OPCML: variants seen among roughly 807,000 people sequenced by gnomAD.
OPCML encodes the protein opioid binding protein/cell adhesion molecule like.
OPCML carries 13 observed loss-of-function variants against 37.8 expected under a neutral mutation model. That is an observed-to-expected ratio of 0.34 (90% confidence interval 0.22 to 0.55). OPCML has a LOEUF of 0.55. OPCML is among the 20% of genes least tolerant of loss of function. OPCML has a pLI of 0.91. For synonymous variants in OPCML, 176 were observed against 168.8 expected (o/e 1.04, Z -0.33); for missense variants, 341 against 435.6 (o/e 0.78, Z 1.93).
chr11:132,432,487 A>G lies in OPCML; in HGVS notation c.916+3599T>C, dbSNP rs115550437. On this transcript the variant is annotated intron_variant, in intron 7 of 7. Coordinates refer to ENST00000524381, the MANE Select transcript of OPCML (RefSeq NM_001012393.5). ...AAATGCCTTCACTGATTAAAAATAT[A>G]AAAGACCCACTGAGATTGACCTTCC... Among the ~76,000 whole-genome samples the G allele has an allele frequency of 4.4e-3, 669 of 152,342 alleles. 3 individuals carry two copies. The highest frequency in any genetic ancestry group is 0.015 in the African/African-American group (627 of 41,576).
chr11:133,306,242 A>G (rs997786447), intron 1 of OPCML, among the ~76,000 whole-genome samples: 2 of 152,192 alleles, frequency 1.3e-5, no homozygotes, highest in East Asian at 3.9e-4. Context: ...TCAACAAAAC[A>G]GGTGTCTGTG....
At chr11:132,730,856 A>C (rs1054649130) in intron 2 of OPCML, among the ~76,000 whole-genome samples, 1 of 152,194 alleles carries the variant, frequency 6.6e-6, no homozygotes, top group Non-Finnish European at 1.5e-5. Flanking sequence ...TATTTGTAGA[A>C]GGAAAATCAG....
chr11:132,901,259 T>C (rs1012692692), intron 2 of OPCML, among the ~76,000 whole-genome samples: 6 of 152,126 alleles, frequency 3.9e-5, no homozygotes, highest in South Asian at 4.1e-4. Context: ...ATAGGCTCAG[T>C]GTGCAGTATA....
At chr11:133,470,786 T>C (rs1400915604) in intron 1 of OPCML, among the ~76,000 whole-genome samples, 1 of 152,242 alleles carries the variant, frequency 6.6e-6, no homozygotes, top group Non-Finnish European at 1.5e-5. Flanking sequence ...GGGATGGGAA[T>C]GCTGTCCTTT....
chr11:132,458,680 A>T (rs2096090839), intron 4 of OPCML, among the ~76,000 whole-genome samples: 1 of 152,216 alleles, frequency 6.6e-6, no homozygotes, highest in South Asian at 2.1e-4. Flanking sequence ...AACCCATTAC[A>T]TTTTAACGTA....
intron 3 of OPCML, among the ~76,000 whole-genome samples, chr11:132,568,046 G>GCA (rs1276760951): frequency 6.8e-6 from 1 of 146,292 alleles, no homozygotes; most frequent in African/African-American, 2.5e-5. Flanking sequence ...GTGTGTGCGC[G>GCA]CGCGCGCGTG....
In OPCML at chr11:133,267,950, C is replaced by T. The variant is rs560004550; in HGVS notation, c.61+264314G>A. Among the ~76,000 whole-genome samples, 33 of 152,280 alleles carry T rather than the reference C, an allele frequency of 2.2e-4. 1 individual carries two copies. In the South Asian group the frequency reaches 2.7e-3, roughly 12 times the overall value. Reference sequence around the variant, plus strand: ...AAACTTCTTTTCTTTATAAATTATCCAGTCTCGGGTATGTCTTTATCAGCA... The same window carrying T: ...AAACTTCTTTTCTTTATAAATTATCTAGTCTCGGGTATGTCTTTATCAGCA... On this transcript the variant is annotated intron_variant, in intron 1 of 7. Transcript: ENST00000524381.
chr11:132,577,459 A>G (rs559535821), intron 3 of OPCML, among the ~76,000 whole-genome samples: 5 of 152,296 alleles, frequency 3.3e-5, no homozygotes, highest in African/African-American at 1.2e-4. Flanking sequence ...ATATGCCCAC[A>G]CCTTCACAAA....
chr11:133,294,946 C>G (rs1942592298), intron 1 of OPCML, among the ~76,000 whole-genome samples: 1 of 151,168 alleles, frequency 6.6e-6, no homozygotes, highest in African/African-American at 2.4e-5. Context: ...GCCTCAGCCT[C>G]TCTAGTAGCT....
intron 1 of OPCML, among the ~76,000 whole-genome samples, chr11:132,970,616 A>G (rs1946320301): frequency 6.6e-6 from 1 of 152,068 alleles, no homozygotes; most frequent in Non-Finnish European, 1.5e-5. Flanking sequence ...TGAAAAATTT[A>G]TTTTTAATAA....
chr11:133,077,194 T>A (rs563586977), intron 1 of OPCML, among the ~76,000 whole-genome samples: 1 of 151,912 alleles, frequency 6.6e-6, no homozygotes, highest in South Asian at 2.1e-4. Flanking sequence ...TGCCTGGATA[T>A]CAGGAGGGCT....
intron 1 of OPCML, among the ~76,000 whole-genome samples, chr11:133,286,167 C>A (rs1320698746): frequency 6.6e-6 from 1 of 152,070 alleles, no homozygotes; most frequent in African/African-American, 2.4e-5. Context: ...AAGTATTCAC[C>A]TTGCTGGGCG....
At chr11:132,468,955 C>T (rs1324107644) in intron 4 of OPCML, among the ~76,000 whole-genome samples, 1 of 152,220 alleles carries the variant, frequency 6.6e-6, no homozygotes, top group Non-Finnish European at 1.5e-5. Context: ...GAATTATGCT[C>T]ATTGCCTCAC....
intron 2 of OPCML, among the ~76,000 whole-genome samples, chr11:132,761,593 C>A (rs932456449): frequency 6.6e-6 from 1 of 151,910 alleles, no homozygotes; most frequent in Non-Finnish European, 1.5e-5. Flanking sequence ...TCTGCTTGAT[C>A]GATTCAGCTA....
At chr11:133,235,127 G>A (rs551074085) in intron 1 of OPCML, among the ~76,000 whole-genome samples, 5 of 151,940 alleles carry the variant, frequency 3.3e-5, no homozygotes, top group Admixed American at 2.0e-4. Flanking sequence ...CACCTCAGGG[G>A]TCACAGAGAA....
chr11:132,943,161 C>A lies in OPCML; in HGVS notation c.62-151G>T. ...CCTGGTCCCCCGCCCCGCGCACCAGCGGGCTCGGGAAGCGGTGCGGGGAGG... is the reference window on the plus strand; with the variant it reads ...CCTGGTCCCCCGCCCCGCGCACCAGAGGGCTCGGGAAGCGGTGCGGGGAGG... On this transcript the variant is annotated intron_variant, in intron 1 of 7. Transcript: ENST00000524381. The surrounding 1 kb of genome is among the most constrained non-coding windows in gnomAD (Gnocchi z 4.3). The A allele has an allele frequency of 6.3e-7, 1 of 1,599,958 alleles. No homozygotes were observed.
At chr11:132,691,342 C>T (rs771501183) in intron 2 of OPCML, among the ~76,000 whole-genome samples, 12 of 152,204 alleles carry the variant, frequency 7.9e-5, no homozygotes, top group Admixed American at 4.6e-4. Flanking sequence ...CCTGACAGCT[C>T]TCTGAACTAG....
At chr11:133,462,718 G>A (rs963243810) in intron 1 of OPCML, among the ~76,000 whole-genome samples, 4 of 152,162 alleles carry the variant, frequency 2.6e-5, no homozygotes, top group South Asian at 4.1e-4. Context: ...TGAAATCCTC[G>A]TAGCATTGCT....
At chr11:132,469,116 G>A (rs193242400) in intron 4 of OPCML, among the ~76,000 whole-genome samples, 79 of 152,252 alleles carry the variant, frequency 5.2e-4, no homozygotes, top group African/African-American at 1.8e-3. Flanking sequence ...TCTGTTCTGA[G>A]CTGTTTTAAG....
Sources: allele counts gnomAD v4.1 joint callset (sites outside exome capture counted in the v4.1 genomes callset), GRCh38; gene constraint gnomAD v4.1.1; non-coding constraint Gnocchi (gnomAD v3.1); transcripts MANE v1.5; gene names NCBI Gene and HGNC (gene_info 2026-07-23, HGNC 2026-07-21).